Variants in TRIM23 observed in about 807,000 individuals in gnomAD.
The protein encoded by TRIM23 is tripartite motif containing 23.
Under a neutral mutation model 71.0 loss-of-function variants are expected in TRIM23, and 27 were observed. The ratio of observed to expected loss-of-function variants is 0.38; its 90% CI spans 0.28 to 0.52. The LOEUF is 0.52. TRIM23 is among the 20% of genes least tolerant of loss of function. The pLI is 0.84. For missense variants in TRIM23, 482 were observed against 692.3 expected, an observed-to-expected ratio of 0.70 and a Z score of 3.41; for synonymous variants, 234 against 238.0, an observed-to-expected ratio of 0.98 and a Z score of 0.16.
At chr5:65,592,012 C>A (rs1376747233) in intron 10 of TRIM23, 64 bp from the exon 11 acceptor site, 4 of 1,465,244 alleles carry the variant, frequency 2.7e-6, no homozygotes, top group African/African-American at 2.8e-5. Context: ...TAATTATCAC[C>A]ATTTATAGAG....
At chr5:65,594,718 G>A in intron 9 of TRIM23, 73 bp from the exon 10 acceptor site, 1 of 1,300,362 alleles carries the variant, frequency 7.7e-7, no homozygotes, top group Non-Finnish European at 1.0e-6. Flanking sequence ...AATATTTAAT[G>A]ATATCATTAT....
In TRIM23 at chr5:65,613,518, C is replaced by T. The variant is rs1476385603; in HGVS notation, c.366+580G>A. 2.6e-5 allele frequency among the ~76,000 whole-genome samples: 4 copies of T among 152,312 alleles called. No homozygotes were observed. The East Asian group carries it at 7.7e-4, about 29-fold the overall frequency. On this transcript the variant is annotated intron_variant, in intron 3 of 10. Transcript: ENST00000231524. ...CCTATAGTACATATGTGCAGCTATG[C>T]AAACACATAAGTGCTAAAAATATAC...
rs371542901 is a variant in TRIM23 at position 65,611,579 on chromosome 5, A to G, written c.645+24T>C. On this transcript the variant is annotated intron_variant, in intron 4 of 10. Transcript: ENST00000231524. ...CTGGTAAAGTAGCTACAGTGATCCA[A>G]CTGATTAATAATTAAATTCATACCT... The G allele has an allele frequency of 3.1e-6, 5 of 1,603,172 alleles. No homozygotes were observed. The South Asian group carries it at 5.5e-5, about 18-fold the overall frequency.
chr5:65,601,924 G>C (rs567101480), intron 7 of TRIM23, among the ~76,000 whole-genome samples: 1 of 152,288 alleles, frequency 6.6e-6, no homozygotes, highest in Admixed American at 6.5e-5. Context: ...ACACAGCATG[G>C]GGACCCTGGG....
rs145875866 is a variant in TRIM23 at position 65,618,118 on chromosome 5, T to G, written c.219A>C (p.Pro73=). 1 of 1,612,992 alleles carries G rather than the reference T, an allele frequency of 6.2e-7. No homozygotes were observed. The highest frequency in any genetic ancestry group is 8.5e-7 in the Non-Finnish European group (1 of 1,179,584). The change falls in exon 2 of 11, where the codon CCA becomes CCC. Residue 73 remains proline (P), a synonymous_variant. Coordinates refer to ENST00000231524, the MANE Select transcript of TRIM23 (RefSeq NM_001656.4). ...LPLHGRAIRC[P]FDRQVTDLGD... is the part of the protein sequence containing the mutation. Reference sequence around the variant, plus strand: ...CTAGGTCTGTTACTTGTCGATCAAATGGGCAACGGATTGCTCTTCCATGAA... The same window carrying G: ...CTAGGTCTGTTACTTGTCGATCAAAGGGGCAACGGATTGCTCTTCCATGAA...
At chr5:65,611,191 A>G (rs542937788) in intron 4 of TRIM23, 148 bp from the exon 5 acceptor site, 2 of 738,532 alleles carry the variant, frequency 2.7e-6, no homozygotes, top group Non-Finnish European at 4.1e-6. Flanking sequence ...TCACTCCTTT[A>G]TAAGAAAACT....
In TRIM23 at chr5:65,591,039, TA is replaced by T; in HGVS notation, c.*729del. 2.0e-6 allele frequency: 2 copies of T among 989,102 alleles called. No homozygotes were observed. Among genetic ancestry groups the T allele is most frequent in the East Asian group, 2.3e-4 (2 of 8,870 alleles). 61.3% of individuals were successfully genotyped at this position (989,102 alleles called of 1,614,324 possible). A position where few individuals can be genotyped will look rare whatever the true frequency, so the allele number is the denominator to read the frequency against. On this transcript the variant is annotated 3_prime_UTR_variant, in exon 11 of 11. Transcript: ENST00000231524. ...TTCAGTCCTGGAAATGGGTCTTTCA[TA>T]AATTCAGATCCAATTACTTCCACAG...
rs146970621 is a variant in TRIM23, at chr5:65,596,538, T to TA, written c.1310-8dup. 182 of 1,535,788 alleles carry TA rather than the reference T, an allele frequency of 1.2e-4. No homozygotes were observed. The highest frequency in any genetic ancestry group is 4.0e-4 in the African/African-American group (29 of 71,678). On this transcript the variant is annotated splice_polypyrimidine_tract_variant and splice_region_variant and intron_variant, in intron 8 of 10. Transcript: ENST00000231524. The stretch of plus-strand genomic sequence containing the variant: ...ACAGTTTCCACGTTAAAACCTGTTT[T>TA]AAAAAAAAAGTTACTTTTATACTAT...
rs769844675 is a variant in TRIM23 at position 65,594,561 on chromosome 5, T to C, written c.1505A>G (p.Glu502Gly). ...AATCAGGAGCAGAGCATCTCGGAGTTCTTTTTCCGTTAACAACTTTGCAAG... is the reference window on the plus strand; with the variant it reads ...AATCAGGAGCAGAGCATCTCGGAGTCCTTTTTCCGTTAACAACTTTGCAAG... ...SELAKLLTEKELRDALLLIFA... is the reference protein window; with the variant it reads ...SELAKLLTEKGLRDALLLIFA... The change falls in exon 10 of 11, where the codon GAA (glutamate) becomes GGA (glycine). Residue 502 changes from glutamate to glycine, a missense_variant. This residue lies in a region of TRIM23 where 307 missense variants were observed against 495.8 expected (regional missense o/e 0.62). Coordinates refer to ENST00000231524, the MANE Select transcript of TRIM23 (RefSeq NM_001656.4). 1.1e-5 allele frequency: 17 copies of C among 1,612,922 alleles called. No individual in the cohort carries two copies. Among genetic ancestry groups the C allele is most frequent in the African/African-American group, 2.7e-5 (2 of 74,856 alleles).
intron 7 of TRIM23, among the ~76,000 whole-genome samples, chr5:65,598,057 C>G (rs902061487): frequency 1.3e-5 from 2 of 151,988 alleles, no homozygotes; most frequent in Non-Finnish European, 2.9e-5. Context: ...TGGTTTTATC[C>G]CATTTTTGGA....
intron 1 of TRIM23, among the ~76,000 whole-genome samples, chr5:65,623,208 A>C: frequency 6.6e-6 from 1 of 152,238 alleles, no homozygotes; most frequent in Non-Finnish European, 1.5e-5. Flanking sequence ...AAAACTTCAT[A>C]TATTACCTTG....
chr5:65,613,614 C>T (rs1754708038), intron 3 of TRIM23: 1 of 841,504 alleles, frequency 1.2e-6, no homozygotes, highest in East Asian at 7.4e-5. Context: ...TGGATAAAGA[C>T]AGTACATCTA....
chr5:65,618,757 C>T (rs1380292403), intron 1 of TRIM23, among the ~76,000 whole-genome samples: 2 of 152,224 alleles, frequency 1.3e-5, no homozygotes, highest in East Asian at 1.9e-4. Context: ...TTTCAAGTAT[C>T]TTCTACTATC....
chr5:65,596,640 A>C, intron 8 of TRIM23, 109 bp from the exon 9 acceptor site: 5 of 682,906 alleles, frequency 7.3e-6, no homozygotes, highest in Non-Finnish European at 1.3e-5. Flanking sequence ...AATTATCTAC[A>C]TGCAGCAATA....
rs367770772 is a variant in TRIM23 at position 65,594,617 on chromosome 5, A to G, written c.1449T>C (p.His483=). The change falls in exon 10 of 11, where the codon CAT becomes CAC. Residue 483 remains histidine, a synonymous_variant. Coordinates refer to ENST00000231524, the MANE Select transcript of TRIM23 (RefSeq NM_001656.4). ...TGTGTGCTTCACTAATTCTGTCTCT[A>G]TGACTGCTATCTACAACAAACACAA... is the stretch of plus-strand genomic sequence containing the variant. ...QAVVFVVDSS[H]RDRISEAHSE... is the part of the protein sequence containing the mutation. The G allele has an allele frequency of 4.3e-5, 69 of 1,606,130 alleles. No individual in the cohort carries two copies. Among genetic ancestry groups the G allele is most frequent in the Non-Finnish European group, 5.6e-5 (66 of 1,177,440 alleles).
chr5:65,597,771 T>TAG (rs1478450830), intron 7 of TRIM23, among the ~76,000 whole-genome samples: 3 of 152,188 alleles, frequency 2.0e-5, no homozygotes, highest in Non-Finnish European at 4.4e-5. Context: ...CCCCAACTGA[T>TAG]AGATTTTAGG....
Position 65,591,645 on chromosome 5 carries a change from T to TTATATATATATATATATATATATATA in TRIM23, c.*123_*124insTATATATATATATATATATATATATA, listed in dbSNP as rs10644434. ...ACTGAATTCCCAATCCAAGATTCCT[T>TTATATATATATATATATATATATATA]TATATATATATATATATATATGCAT... On this transcript the variant is annotated 3_prime_UTR_variant, in exon 11 of 11. Coordinates refer to ENST00000231524, the MANE Select transcript of TRIM23 (RefSeq NM_001656.4). 1.7e-4 allele frequency: 119 copies of TTATATATATATATATATATATATATA among 717,240 alleles called. No homozygotes were observed. In the African/African-American group the frequency reaches 1.9e-3, roughly 11 times the overall value. The allele number at this position is 717,240 out of a possible 1,614,324, so 44.4% of individuals were successfully genotyped here.
chr5:65,607,330 C>G (rs1581183623), intron 6 of TRIM23, among the ~76,000 whole-genome samples: 1 of 152,262 alleles, frequency 6.6e-6, no homozygotes, highest in South Asian at 2.1e-4. Context: ...TGTCCTCACC[C>G]AAATCTCATC....
intron 5 of TRIM23, 107 bp downstream of exon 5, chr5:65,610,754 T>C (rs547371952): frequency 9.2e-6 from 8 of 869,538 alleles, no homozygotes; most frequent in Middle Eastern, 2.4e-4. Context: ...TTTCTAATGA[T>C]TGGTGCAATA....
Sources: allele counts gnomAD v4.1 joint callset (sites outside exome capture counted in the v4.1 genomes callset), GRCh38; gene constraint gnomAD v4.1.1; regional missense constraint gnomAD v4.1.1; transcripts MANE v1.5; gene names NCBI Gene and HGNC (gene_info 2026-07-23, HGNC 2026-07-21).